Variants in FGF12 observed in about 807,000 individuals in gnomAD.
The protein encoded by FGF12 is fibroblast growth factor 12B.
FGF12 carries 14 observed loss-of-function variants against 23.6 expected under a neutral mutation model. That is an observed-to-expected ratio of 0.59 (90% CI 0.39 to 0.93). The LOEUF (loss-of-function observed/expected upper bound fraction) is 0.93, where lower values mean the gene tolerates loss of function less well. Ranked by LOEUF, FGF12 falls within the 40% of genes least tolerant of loss-of-function variation. FGF12 has a pLI of 0.00. For missense variants in FGF12, 175 were observed against 217.8 expected (o/e 0.80, Z 1.24); for synonymous variants, 62 against 77.3 (o/e 0.80, Z 1.04).
rs1229789284 is a variant in FGF12, at chr3:192,514,476, G to A, written c.14-153938C>T. Among the ~76,000 whole-genome samples the A allele has an allele frequency of 6.6e-6, 1 of 152,224 alleles. No individual in the cohort carries two copies. Among genetic ancestry groups the A allele is most frequent in the Non-Finnish European group, 1.5e-5 (1 of 68,046 alleles). ...TCCCTACAAAGCGTCGATGACTTCA[G>A]GGATTTAAAAGAAAAAATACCCACA... is the stretch of plus-strand genomic sequence containing the variant. On this transcript the variant is annotated intron_variant, in intron 2 of 5. Coordinates refer to ENST00000445105, the MANE Select transcript of FGF12 (RefSeq NM_004113.6). The surrounding 1 kb of genome is among the most constrained non-coding windows in gnomAD (Gnocchi z 4.9).
chr3:192,712,276 A>G (rs1301429470), intron 2 of FGF12, among the ~76,000 whole-genome samples: 1 of 151,800 alleles, frequency 6.6e-6, no homozygotes, highest in African/African-American at 2.4e-5. Flanking sequence ...CAAAACAACA[A>G]TAACAAAAAA....
At chr3:192,144,591 G>A (rs1229559612) in intron 5 of FGF12, among the ~76,000 whole-genome samples, 2 of 152,128 alleles carry the variant, frequency 1.3e-5, no homozygotes, top group Non-Finnish European at 2.9e-5. Flanking sequence ...GGCATCCTAT[G>A]TAAAAAAATA....
chr3:192,514,607 G>C lies in FGF12; in HGVS notation c.14-154069C>G. 1 of 801,350 alleles carries C rather than the reference G, an allele frequency of 1.2e-6. No homozygotes were observed. The highest frequency in any genetic ancestry group is 1.5e-6 in the Non-Finnish European group (1 of 661,726). The allele number at this position is 801,350 out of a possible 1,614,324, so 49.6% of individuals were successfully genotyped here. A position where few individuals can be genotyped will look rare whatever the true frequency, so the allele number is the denominator to read the frequency against. On this transcript the variant is annotated intron_variant, in intron 2 of 5. Transcript: ENST00000445105. This position sits in a 1 kb window ranked among gnomAD's most constrained non-coding sequence, Gnocchi z 4.9. ...AGAGGAGGGCGGCGGAGAGGGCCCC[G>C]GAAGAAGGGAAGGGGGCATTCTGCA...
In FGF12 at chr3:192,258,222, C is replaced by A. The variant is rs1337767782; in HGVS notation, c.228+77139G>T. Among the ~76,000 whole-genome samples, 4 of 152,136 alleles carry A rather than the reference C, an allele frequency of 2.6e-5. No individual in the cohort carries two copies. The East Asian group carries it at 7.7e-4, about 29-fold the overall frequency. ...CCTGTAATCCCAGCAATTTGGGAGG[C>A]CAAGGTGGATGGATCACTTCAGGCC... On this transcript the variant is annotated intron_variant, in intron 4 of 5. Transcript: ENST00000445105.
At chr3:192,226,402 G>T (rs1040599411) in intron 4 of FGF12, among the ~76,000 whole-genome samples, 2 of 152,066 alleles carry the variant, frequency 1.3e-5, no homozygotes, top group African/African-American at 4.8e-5. Context: ...ACATGAACAT[G>T]CTGAGATCCT....
intron 2 of FGF12, among the ~76,000 whole-genome samples, chr3:192,613,299 C>T (rs1714619103): frequency 6.6e-6 from 1 of 151,762 alleles, no homozygotes. Flanking sequence ...TATTTATGAG[C>T]ATTTTTATAG....
intron 2 of FGF12, among the ~76,000 whole-genome samples, chr3:192,390,474 A>G (rs1720244795): frequency 2.0e-5 from 3 of 152,242 alleles, no homozygotes; most frequent in African/African-American, 7.2e-5. Context: ...TTGAAAAATT[A>G]TGTGTGAAGA....
chr3:192,489,854 G>A (rs1259043245), intron 2 of FGF12, among the ~76,000 whole-genome samples: 2 of 151,948 alleles, frequency 1.3e-5, no homozygotes, highest in Non-Finnish European at 2.9e-5. Flanking sequence ...AAGAGGGAGA[G>A]GATCAGGAAA....
At chr3:192,703,199 G>A (rs978249768) in intron 2 of FGF12, among the ~76,000 whole-genome samples, 3 of 152,070 alleles carry the variant, frequency 2.0e-5, no homozygotes, top group Non-Finnish European at 2.9e-5. Context: ...GTTGGGTTCC[G>A]GACAACCACA....
At chr3:192,271,177 G>A (rs1713411716) in intron 4 of FGF12, among the ~76,000 whole-genome samples, 1 of 152,128 alleles carries the variant, frequency 6.6e-6, no homozygotes, top group Non-Finnish European at 1.5e-5. Context: ...GGAAGAATAA[G>A]CCTCATGTTT....
intron 4 of FGF12, among the ~76,000 whole-genome samples, chr3:192,242,994 C>G (rs1719699873): frequency 6.6e-6 from 1 of 151,902 alleles, no homozygotes; most frequent in Non-Finnish European, 1.5e-5. Context: ...TACAAATAAC[C>G]TCTATTATAT....
At chr3:192,163,464 G>A (rs569616950) in intron 5 of FGF12, among the ~76,000 whole-genome samples, 2 of 152,244 alleles carry the variant, frequency 1.3e-5, no homozygotes, top group Non-Finnish European at 2.9e-5. Context: ...ATTAGATTCA[G>A]TCCAATATAT....
At chr3:192,182,414 A>C (rs1383128682) in intron 4 of FGF12, among the ~76,000 whole-genome samples, 1 of 152,160 alleles carries the variant, frequency 6.6e-6, no homozygotes. Flanking sequence ...GTGCAAATTT[A>C]CTTACCCAGG....
intron 2 of FGF12, among the ~76,000 whole-genome samples, chr3:192,451,542 G>T (rs897148010): frequency 6.6e-6 from 1 of 152,168 alleles, no homozygotes; most frequent in East Asian, 1.9e-4. Flanking sequence ...AGTTTGTGAT[G>T]ATTAGTAGAC....
intron 4 of FGF12, among the ~76,000 whole-genome samples, chr3:192,287,150 G>T (rs1253966325): frequency 6.6e-6 from 1 of 151,772 alleles, no homozygotes; most frequent in Non-Finnish European, 1.5e-5. Flanking sequence ...GTTTCTTTTT[G>T]ATTAACGTTC....
At chr3:192,483,781 T>G (rs1333914847) in intron 2 of FGF12, among the ~76,000 whole-genome samples, 1 of 151,776 alleles carries the variant, frequency 6.6e-6, no homozygotes, top group Non-Finnish European at 1.5e-5. Flanking sequence ...AGCAGTACCC[T>G]AGAAGAAAAA....
chr3:192,699,482 G>A (rs913666997), intron 2 of FGF12, among the ~76,000 whole-genome samples: 4 of 152,184 alleles, frequency 2.6e-5, no homozygotes, highest in African/African-American at 9.6e-5. Context: ...ACGCCTACAC[G>A]CTTATTTCTA....
At chr3:192,637,809 C>G (rs1715640596) in intron 2 of FGF12, among the ~76,000 whole-genome samples, 1 of 152,158 alleles carries the variant, frequency 6.6e-6, no homozygotes, top group Non-Finnish European at 1.5e-5. Context: ...TTGGAAAGTA[C>G]TTAACTGTTG....
chr3:192,544,261 T>G (rs1725442053), intron 2 of FGF12, among the ~76,000 whole-genome samples: 1 of 152,044 alleles, frequency 6.6e-6, no homozygotes. Context: ...GGGAGGGGGA[T>G]GGGTACTGTT....
Sources: gnomAD v4.1 joint callset for allele counts (sites outside exome capture counted in the v4.1 genomes callset) on GRCh38, gnomAD v4.1.1 for gene constraint, Gnocchi (gnomAD v3.1) non-coding constraint, MANE v1.5 for transcripts, NCBI Gene and HGNC (gene_info 2026-07-23, HGNC 2026-07-21) for gene names.